Variants in NCAPG observed in about 807,000 individuals in gnomAD.
NCAPG encodes the protein non-SMC condensin I complex subunit G, also known as condensin complex subunit 3.
Under a neutral mutation model 113.1 loss-of-function variants are expected in NCAPG, and 69 were observed. The ratio of observed to expected loss-of-function variants is 0.61; its 90% confidence interval spans 0.50 to 0.75. The LOEUF (loss-of-function observed/expected upper bound fraction) is 0.75, where lower values mean the gene tolerates loss of function less well. NCAPG is among the 30% of genes least tolerant of loss of function. NCAPG has a pLI of 0.00. For missense variants in NCAPG, 1,058 were observed against 1,177.0 expected (o/e 0.90, Z 1.48); for synonymous variants, 370 against 415.8 (o/e 0.89, Z 1.34).
In NCAPG at chr4:17,811,796, A is replaced by C. The variant is rs746683106; in HGVS notation, c.112-425A>C. Among the ~76,000 whole-genome samples, 23 of 152,222 alleles carry C rather than the reference A, an allele frequency of 1.5e-4. No individual in the cohort carries two copies. The highest frequency in any genetic ancestry group is 2.5e-4 in the Non-Finnish European group (17 of 68,044). ...TTGAGGTCCAAGAAAAATTGTGAGTAAACATCACAGGGCTTTGAGGATATG... is the reference window on the plus strand; with the variant it reads ...TTGAGGTCCAAGAAAAATTGTGAGTCAACATCACAGGGCTTTGAGGATATG... On this transcript the variant is annotated intron_variant, in intron 1 of 20. Coordinates refer to ENST00000251496, the MANE Select transcript of NCAPG (RefSeq NM_022346.5). This position sits in a 1 kb window ranked among gnomAD's most constrained non-coding sequence, Gnocchi z 5.3.
Position 17,825,533 on chromosome 4 carries a change from T to C in NCAPG, c.1625T>C (p.Leu542Pro), listed in dbSNP as rs142496730. The change falls in exon 11 of 21, where the codon CTT becomes CCT. Residue 542 changes from leucine to proline, a missense_variant. Physicochemically the swap from Leu to Pro is moderately conservative, Grantham distance 98. Transcript: ENST00000251496. The stretch of plus-strand genomic sequence containing the variant: ...AACCTTTTGAAAGAGACAGAGCAAC[T>C]TGAAATTAAAGAAGTCCACATAGAG... ...RINLLKETEQLEIKEVHIEKN... is the reference protein window; with the variant it reads ...RINLLKETEQPEIKEVHIEKN... 1 of 1,595,166 alleles carries C rather than the reference T, an allele frequency of 6.3e-7. No homozygotes were observed. Among genetic ancestry groups the C allele is most frequent in the African/African-American group, 1.4e-5 (1 of 73,392 alleles).
At chr4:17,818,639 G>A (rs1447070666) in intron 7 of NCAPG, among the ~76,000 whole-genome samples, 1 of 152,166 alleles carries the variant, frequency 6.6e-6, no homozygotes, top group Non-Finnish European at 1.5e-5. Flanking sequence ...CTATATAACA[G>A]GTAATAGGCT....
rs199820978 is a variant in NCAPG, at chr4:17,842,390, C to A, written c.2924+11C>A. ...AGCCGACTCTGAAAGGTATGTCATG[C>A]ATGTCTAGAATATATGGAGGCCTAT... On this transcript the variant is annotated intron_variant, in intron 20 of 20. Transcript: ENST00000251496. 1 of 1,608,732 alleles carries A rather than the reference C, an allele frequency of 6.2e-7. No individual in the cohort carries two copies. Among genetic ancestry groups the A allele is most frequent in the African/African-American group, 1.3e-5 (1 of 74,878 alleles).
chr4:17,821,212 T>C (rs955513277), intron 7 of NCAPG, among the ~76,000 whole-genome samples: 4 of 152,104 alleles, frequency 2.6e-5, no homozygotes, highest in Non-Finnish European at 5.9e-5. Flanking sequence ...AAATGAAGGT[T>C]TTCTTTTAGC....
intron 7 of NCAPG, 134 bp from the exon 8 acceptor site, chr4:17,822,849 C>A: frequency 3.5e-6 from 2 of 565,580 alleles, no homozygotes; most frequent in Non-Finnish European, 2.9e-6. Context: ...AGTTTGTAGA[C>A]CAAATTACAT....
intron 2 of NCAPG, among the ~76,000 whole-genome samples, 180 bp from the exon 3 acceptor site, chr4:17,812,737 A>C (rs1721048208): frequency 6.6e-6 from 1 of 152,198 alleles, no homozygotes; most frequent in Non-Finnish European, 1.5e-5. Context: ...GTTCATTTTG[A>C]GACTGTATAA....
At chr4:17,841,810 A>G (rs1467174284) in intron 19 of NCAPG, 1 of 152,462 alleles carries the variant, frequency 6.6e-6, no homozygotes, top group Non-Finnish European at 1.5e-5. Context: ...ATTTTAGAAC[A>G]CATTTGAATT....
At chr4:17,834,989 T>C (rs1722037184) in intron 14 of NCAPG, among the ~76,000 whole-genome samples, 1 of 152,218 alleles carries the variant, frequency 6.6e-6, no homozygotes, top group African/African-American at 2.4e-5. Flanking sequence ...TATGTTGTAT[T>C]TGTGATATAG....
chr4:17,812,084 A>G (rs1720996026), intron 1 of NCAPG, 137 bp from the exon 2 acceptor site: 2 of 684,222 alleles, frequency 2.9e-6, no homozygotes, highest in Non-Finnish European at 4.8e-6. Context: ...GCTGGTTTGG[A>G]TAATTAAGAG....
At chr4:17,834,235 A>T in intron 13 of NCAPG, 64 bp from the exon 14 acceptor site, 1 of 1,066,310 alleles carries the variant, frequency 9.4e-7, no homozygotes, top group Non-Finnish European at 1.3e-6. Context: ...TATTAATTTT[A>T]TGTAAACAGA....
In NCAPG at chr4:17,840,608, A is replaced by G; in HGVS notation, c.2769A>G (p.Glu923=). The change falls in exon 19 of 21, where the codon GAA becomes GAG. Residue 923 remains glutamate (E), a splice_region_variant and synonymous_variant. Transcript: ENST00000251496. ...LTTTTFQNED[E]KNKEVYMTPL... is the part of the protein sequence containing the mutation. ...TTGTTGTATTATTCCCTTTAATAGA[A>G]AAGAATAAAGAAGTATATATGACTC... 1 of 1,459,324 alleles carries G rather than the reference A, an allele frequency of 6.9e-7. No homozygotes were observed. 90.4% of individuals were successfully genotyped at this position (1,459,324 alleles called of 1,614,324 possible).
In NCAPG at chr4:17,817,379, C is replaced by T; in HGVS notation, c.894C>T (p.Val298=). Residue 298 remains valine (V), a synonymous_variant, in exon 6 of 21, where the codon GTC becomes GTT. Transcript: ENST00000251496. ...LDVENSSEVA[V]SVLNALFSIT... ...TAGAAAATTCTTCTGAAGTGGCAGT[C>T]TCTGTTCTCAATGCCTTGTTTTCAA... The T allele has an allele frequency of 6.2e-7, 1 of 1,614,070 alleles. No homozygotes were observed. Among genetic ancestry groups the T allele is most frequent in the South Asian group, 1.1e-5 (1 of 91,078 alleles).
At chr4:17,818,368 A>C (rs1188904850) in intron 7 of NCAPG, among the ~76,000 whole-genome samples, 1 of 152,178 alleles carries the variant, frequency 6.6e-6, no homozygotes, top group Non-Finnish European at 1.5e-5. Context: ...ATTATTTCTG[A>C]AATTGGTTGG....
At chr4:17,831,207 C>T (rs1721858916) in intron 13 of NCAPG, 91 bp downstream of exon 13, 2 of 1,296,246 alleles carry the variant, frequency 1.5e-6, no homozygotes, top group Non-Finnish European at 2.1e-6. Flanking sequence ...TATTCTGATT[C>T]TTATTGATGA....
intron 8 of NCAPG, 117 bp downstream of exon 8, chr4:17,823,240 A>G (rs1272054960): frequency 4.1e-6 from 4 of 985,536 alleles, no homozygotes; most frequent in Non-Finnish European, 5.8e-6. Context: ...GTGGTATAAA[A>G]AGTTTTCTTT....
At position 17,823,016 on chromosome 4, in the gene NCAPG, A is replaced by AC. The variant is rs1721521680; in HGVS notation, c.1153dup (p.His385ProfsTer4). On this transcript the variant is annotated frameshift_variant, in exon 8 of 21. Transcript: ENST00000251496. LOFTEE classifies it high-confidence loss of function. The stretch of plus-strand genomic sequence containing the variant: ...AGAGCATTCCAGTTGTTAATGAAGA[A>AC]CACAGAGGTGATTTTTCCTATATTG... The AC allele has an allele frequency of 6.2e-7, 1 of 1,608,710 alleles. No individual in the cohort carries two copies. The highest frequency in any genetic ancestry group is 8.5e-7 in the Non-Finnish European group (1 of 1,178,028).
chr4:17,812,984 G>A lies in NCAPG; in HGVS notation c.383G>A (p.Ser128Asn). 6.2e-7 allele frequency: 1 copy of A among 1,613,996 alleles called. No individual in the cohort carries two copies. Among genetic ancestry groups the A allele is most frequent in the Middle Eastern group, 1.7e-4 (1 of 6,060 alleles). ...VCLLINKLLG[S>N]MPENAQIDDD... is the part of the protein sequence containing the mutation. ...CTGCTCATAAACAAGCTTTTGGGAA[G>A]TATGCCAGAAAATGCTCAGATTGAT... is the stretch of plus-strand genomic sequence containing the variant. The change falls in exon 3 of 21, where the codon AGT (serine) becomes AAT (asparagine). Residue 128 changes from serine (S) to asparagine (N), a missense_variant. Coordinates refer to ENST00000251496, the MANE Select transcript of NCAPG (RefSeq NM_022346.5).
At chr4:17,812,456 T>C in intron 2 of NCAPG, 32 bp downstream of exon 2, 7 of 1,567,774 alleles carry the variant, frequency 4.5e-6, no homozygotes, top group Non-Finnish European at 6.1e-6. Flanking sequence ...TGGGGAGGGA[T>C]TTTAGAAAAT....
chr4:17,812,282 T>G lies in NCAPG; in HGVS notation c.173T>G (p.Val58Gly), dbSNP rs1167203475. 6.2e-7 allele frequency: 1 copy of G among 1,613,644 alleles called. No homozygotes were observed. The highest frequency in any genetic ancestry group is 1.3e-5 in the African/African-American group (1 of 74,912). Residue 58 changes from valine to glycine, a missense_variant, in exon 2 of 21, where the codon GTC (valine) becomes GGC (glycine). Coordinates refer to ENST00000251496, the MANE Select transcript of NCAPG (RefSeq NM_022346.5). ...CATTACCTTAAATATGTTATGGTGG[T>G]CTATAAACGTGAACCAGCTGTGGAG... ...FIHYLKYVMV[V>G]YKREPAVERV...
Sources: allele counts gnomAD v4.1 joint callset (sites outside exome capture counted in the v4.1 genomes callset), GRCh38; gene constraint gnomAD v4.1.1; non-coding constraint Gnocchi (gnomAD v3.1); transcripts MANE v1.5; gene names NCBI Gene and HGNC (gene_info 2026-07-23, HGNC 2026-07-21).